CHODL: variants seen among roughly 807,000 people sequenced by gnomAD.
CHODL encodes the protein chondrolectin.
A neutral mutation model predicts 34.5 loss-of-function variants in CHODL; 29 were observed. That is an observed-to-expected ratio of 0.84 (90% CI 0.63 to 1.15). CHODL has a LOEUF of 1.15. CHODL is among the 50% of genes most tolerant of loss of function. The probability of loss-of-function intolerance (pLI) is 0.00; values close to 1 mark genes in which losing one functional copy is unlikely to be tolerated. For synonymous variants in CHODL, 125 were observed against 116.1 expected, an observed-to-expected ratio of 1.08 and a Z score of -0.49; for missense variants, 332 against 332.5, an observed-to-expected ratio of 1.00 and a Z score of 0.01.
At chr21:18,176,641 A>AT (rs953161906) in intron 2 of CHODL, among the ~76,000 whole-genome samples, 1 of 152,126 alleles carries the variant, frequency 6.6e-6, no homozygotes, top group Non-Finnish European at 1.5e-5. Context: ...CAAAATTAGT[A>AT]TTTTTTCCAA....
intron 1 of CHODL, among the ~76,000 whole-genome samples, chr21:17,938,943 T>G (rs1016064226): frequency 3.3e-5 from 5 of 152,140 alleles, no homozygotes; most frequent in Non-Finnish European, 7.4e-5. Context: ...TAAATATTGC[T>G]CCTTATCAAT....
chr21:18,095,370 T>C (rs1348324695), intron 2 of CHODL, among the ~76,000 whole-genome samples: 1 of 152,066 alleles, frequency 6.6e-6, no homozygotes, highest in Non-Finnish European at 1.5e-5. Flanking sequence ...AATGGCTACA[T>C]TGAGCAACTA....
intron 2 of CHODL, among the ~76,000 whole-genome samples, chr21:18,176,431 A>G (rs537782953): frequency 2.6e-5 from 4 of 152,198 alleles, no homozygotes; most frequent in Non-Finnish European, 5.9e-5. Flanking sequence ...AGACATCAAT[A>G]GTTACTATAA....
intron 2 of CHODL, among the ~76,000 whole-genome samples, chr21:18,130,488 T>A (rs936364496): frequency 6.6e-6 from 1 of 152,156 alleles, no homozygotes; most frequent in African/African-American, 2.4e-5. Context: ...TGGGTCTGTG[T>A]CAATACAAAT....
At chr21:17,950,964 G>A (rs1225959614) in intron 1 of CHODL, among the ~76,000 whole-genome samples, 1 of 152,034 alleles carries the variant, frequency 6.6e-6, no homozygotes, top group Non-Finnish European at 1.5e-5. Flanking sequence ...TGTGGTCTGA[G>A]GTCTTAAAGT....
At chr21:18,213,610 C>T (rs2073794575) in intron 2 of CHODL, among the ~76,000 whole-genome samples, 1 of 151,628 alleles carries the variant, frequency 6.6e-6, no homozygotes, top group Non-Finnish European at 1.5e-5. Flanking sequence ...TAAAGGATGC[C>T]CAGCTGAGAT....
At chr21:18,185,358 T>A (rs2073428338) in intron 2 of CHODL, among the ~76,000 whole-genome samples, 1 of 152,218 alleles carries the variant, frequency 6.6e-6, no homozygotes, top group Non-Finnish European at 1.5e-5. Context: ...GAACTCATTC[T>A]TTTTTATGGC....
At chr21:18,227,223 A>T (rs767158763) in intron 2 of CHODL, among the ~76,000 whole-genome samples, 4 of 152,140 alleles carry the variant, frequency 2.6e-5, no homozygotes, top group South Asian at 4.1e-4. Context: ...TAATACCAAG[A>T]TCTTGGGGGT....
chr21:18,020,029 G>A (rs527260940), intron 1 of CHODL, among the ~76,000 whole-genome samples: 3 of 152,250 alleles, frequency 2.0e-5, no homozygotes, highest in East Asian at 3.9e-4. Flanking sequence ...GGACTGGCAG[G>A]TCATATGGAA....
upstream of CHODL, among the ~76,000 whole-genome samples, chr21:18,243,985 C>T (rs2074106341): frequency 6.6e-6 from 1 of 152,172 alleles, no homozygotes. Flanking sequence ...AGAGTTCATA[C>T]TATGGACTTG....
chr21:18,181,790 T>C (rs1374990073), intron 2 of CHODL, among the ~76,000 whole-genome samples: 3 of 152,208 alleles, frequency 2.0e-5, no homozygotes, highest in African/African-American at 4.8e-5. Context: ...TGGAATCATA[T>C]AGTAGATGGT....
intron 2 of CHODL, among the ~76,000 whole-genome samples, chr21:18,098,452 A>G (rs1371328107): frequency 6.6e-6 from 1 of 152,080 alleles, no homozygotes; most frequent in East Asian, 1.9e-4. Flanking sequence ...ACAGGCATGT[A>G]AAAAAGTGCT....
At position 17,933,750 on chromosome 21, in the gene CHODL, G is replaced by T. The variant is rs188882601; in HGVS notation, c.-145+16350G>T. On this transcript the variant is annotated intron_variant, in intron 1 of 6. Transcript: ENST00000400127. ...ACAGGCCCACAAGAACATACAGAAA[G>T]AAATAGTAGGCCGGGCGTGGTGGCT... Among the ~76,000 whole-genome samples the T allele has an allele frequency of 1.2e-4, 19 of 152,208 alleles. No individual in the cohort carries two copies. The East Asian group carries it at 3.7e-3, about 29-fold the overall frequency.
chr21:18,191,809 G>A (rs189399616), intron 2 of CHODL, among the ~76,000 whole-genome samples: 172 of 152,252 alleles, frequency 1.1e-3, no homozygotes, highest in African/African-American at 3.9e-3. Context: ...TGGGGGCAGG[G>A]AGAAATAGGG....
At chr21:17,964,529 A>G (rs2063556819) in intron 1 of CHODL, among the ~76,000 whole-genome samples, 1 of 152,212 alleles carries the variant, frequency 6.6e-6, no homozygotes. Context: ...GTGGGTATAT[A>G]TATTTGTGGG....
At chr21:18,190,293 C>T (rs1194724059) in intron 2 of CHODL, among the ~76,000 whole-genome samples, 1 of 152,112 alleles carries the variant, frequency 6.6e-6, no homozygotes, top group East Asian at 1.9e-4. Context: ...GGAAACAACA[C>T]AAATCCTTTT....
At chr21:18,052,341 T>C (rs1173648412) in intron 2 of CHODL, among the ~76,000 whole-genome samples, 10 of 151,932 alleles carry the variant, frequency 6.6e-5, no homozygotes, top group Non-Finnish European at 5.9e-5. Flanking sequence ...CTATGACCTA[T>C]ACAGGTGAAA....
chr21:18,003,129 A>C (rs1311990780), intron 1 of CHODL, among the ~76,000 whole-genome samples: 2 of 128,686 alleles, frequency 1.6e-5, no homozygotes, highest in African/African-American at 2.7e-5. Flanking sequence ...CTCAAAAAAA[A>C]AAAAAACAAA....
At chr21:18,098,200 A>G (rs2065163518) in intron 2 of CHODL, among the ~76,000 whole-genome samples, 1 of 152,100 alleles carries the variant, frequency 6.6e-6, no homozygotes, top group Non-Finnish European at 1.5e-5. Context: ...CAGAGCAAAA[A>G]GGAACAAATG....
Sources: gnomAD v4.1 joint callset for allele counts (sites outside exome capture counted in the v4.1 genomes callset) on GRCh38, gnomAD v4.1.1 for gene constraint, MANE v1.5 for transcripts, NCBI Gene and HGNC (gene_info 2026-07-23, HGNC 2026-07-21) for gene names.